Variants in PCCB observed in about 807,000 individuals in gnomAD.
The protein encoded by PCCB is propionyl-CoA carboxylase beta chain, mitochondrial.
PCCB carries 43 observed loss-of-function variants against 60.7 expected under a neutral mutation model. The ratio of observed to expected loss-of-function variants is 0.71; its 90% confidence interval spans 0.55 to 0.91. The LOEUF (loss-of-function observed/expected upper bound fraction) is 0.91. Ranked by LOEUF, PCCB falls within the 40% of genes least tolerant of loss-of-function variation. The pLI is 0.00. For missense variants in PCCB, 766 were observed against 702.8 expected (o/e 1.09, Z -1.02); for synonymous variants, 276 against 255.9 (o/e 1.08, Z -0.75).
rs149770649 is a variant in PCCB at position 136,313,934 on chromosome 3, C to T, written c.967-3007C>T. On this transcript the variant is annotated intron_variant, in intron 9 of 14. Coordinates refer to ENST00000251654, the MANE Select transcript of PCCB (RefSeq NM_000532.5). ...TGTGAATATGGCAAGAGAAAAAAAT[C>T]TAGAATGAACCCTATAGTTGCACTG... Among the ~76,000 whole-genome samples, 59 of 152,188 alleles carry T rather than the reference C, an allele frequency of 3.9e-4. No individual in the cohort carries two copies. In the East Asian group the frequency reaches 0.011, roughly 29 times the overall value.
At chr3:136,322,152 T>G (rs1935132388) in intron 10 of PCCB, among the ~76,000 whole-genome samples, 1 of 152,236 alleles carries the variant, frequency 6.6e-6, no homozygotes, top group East Asian at 1.9e-4. Flanking sequence ...ATACCTAGTT[T>G]ATTGAGAGTT....
chr3:136,268,065 CGT>C (rs111625326), intron 5 of PCCB, among the ~76,000 whole-genome samples: 837 of 78,424 alleles, frequency 0.011, 18 homozygotes, highest in African/African-American at 0.051. Context: ...TGTGTGTGTG[CGT>C]GTGTGTGTGT....
chr3:136,325,646 T>TGTGGTC (rs1286837618), intron 10 of PCCB, among the ~76,000 whole-genome samples: 4 of 151,394 alleles, frequency 2.6e-5, no homozygotes, highest in African/African-American at 9.7e-5. Context: ...TGTGAGCCAC[T>TGTGGTC]GTGCCGGGCC....
At position 136,255,494 on chromosome 3, in the gene PCCB, A is replaced by T. The variant is rs1283653737; in HGVS notation, c.184-362A>T. ...CACTAAGCCTGCTTTAGTTTCCACC[A>T]CCTGCTTCTGCATTCTTTTTATGGC... On this transcript the variant is annotated intron_variant, in intron 1 of 14. Coordinates refer to ENST00000251654, the MANE Select transcript of PCCB (RefSeq NM_000532.5). 6 of 318,010 alleles carry T rather than the reference A, an allele frequency of 1.9e-5. No homozygotes were observed. In the East Asian group the frequency reaches 4.9e-4, roughly 26 times the overall value. The allele number at this position is 318,010 out of a possible 1,614,324, so 19.7% of individuals were successfully genotyped here. A position where few individuals can be genotyped will look rare whatever the true frequency, so the allele number is the denominator to read the frequency against.
chr3:136,297,343 T>C (rs1189349239), intron 7 of PCCB, among the ~76,000 whole-genome samples: 3 of 152,184 alleles, frequency 2.0e-5, no homozygotes, highest in Non-Finnish European at 4.4e-5. Context: ...TCTGGTGGGA[T>C]GAACCTGGGG....
In PCCB at chr3:136,288,942, A is replaced by C. The variant is rs947584079; in HGVS notation, c.655-4814A>C. On this transcript the variant is annotated intron_variant, in intron 6 of 14. Coordinates refer to ENST00000251654, the MANE Select transcript of PCCB (RefSeq NM_000532.5). ...CTTAGCCTCCTGAGTAGCTGGGACT[A>C]TAGGTGTGTGCCACCATGCCTGGCC... 2.6e-5 allele frequency among the ~76,000 whole-genome samples: 4 copies of C among 152,310 alleles called. No homozygotes were observed. In the Middle Eastern group the frequency reaches 0.014, roughly 518 times the overall value.
In PCCB at chr3:136,250,550, C is replaced by T. The variant is rs147954363; in HGVS notation, c.175C>T (p.His59Tyr). The T allele has an allele frequency of 1.0e-4, 164 of 1,611,950 alleles. 2 individuals carry two copies. Among genetic ancestry groups the T allele is most frequent in the Non-Finnish European group, 3.9e-5 (46 of 1,179,540 alleles). ...GGGCCAACGCCGTATTGACGCGCAG[C>T]ACAAGCGAGTGAGTCCTGAGGGGCC... ...GGGQRRIDAQ[H>Y]KRGKLTARER... The change falls in exon 1 of 15, where the codon CAC (histidine) becomes TAC (tyrosine). Residue 59 changes from histidine (H) to tyrosine (Y), a missense_variant. Physicochemically the swap from His to Tyr is moderately conservative, Grantham distance 83 (BLOSUM62 2). Coordinates refer to ENST00000251654, the MANE Select transcript of PCCB (RefSeq NM_000532.5).
At chr3:136,329,340 C>T (rs574440454) in intron 14 of PCCB, among the ~76,000 whole-genome samples, 5 of 152,180 alleles carry the variant, frequency 3.3e-5, no homozygotes, top group African/African-American at 7.2e-5. Flanking sequence ...TCACTCCCCA[C>T]GTGGCCTCTC....
At chr3:136,252,176 C>T (rs1941535078) in intron 1 of PCCB, 4 of 417,300 alleles carry the variant, frequency 9.6e-6, no homozygotes, top group Non-Finnish European at 1.9e-5. Context: ...GCCACTGCAC[C>T]CGGCCCTGCA....
chr3:136,261,940 C>T lies in PCCB; in HGVS notation c.430-12C>T. 1 of 1,494,466 alleles carries T rather than the reference C, an allele frequency of 6.7e-7. No individual in the cohort carries two copies. The allele number at this position is 1,494,466 out of a possible 1,614,324, so 92.6% of individuals were successfully genotyped here. ...ACATTTGTCTCAATAAAAGATTTCT[C>T]TGCTGTCTCAGATCATGGACCAGGC... On this transcript the variant is annotated splice_polypyrimidine_tract_variant and intron_variant, in intron 4 of 14. Transcript: ENST00000251654.
intron 13 of PCCB, 33 bp downstream of exon 13, chr3:136,327,765 C>T (rs1935380046): frequency 6.6e-7 from 1 of 1,512,584 alleles, no homozygotes; most frequent in Middle Eastern, 2.1e-4. Flanking sequence ...TTTCTGGGTC[C>T]AAGGACTCGA....
intron 5 of PCCB, among the ~76,000 whole-genome samples, chr3:136,274,169 T>G (rs150014491): frequency 6.6e-5 from 10 of 152,240 alleles, no homozygotes; most frequent in South Asian, 2.1e-4. Context: ...CTGTTTATCA[T>G]TTTAGTTGTT....
chr3:136,280,595 C>T (rs1054184787), intron 5 of PCCB, among the ~76,000 whole-genome samples: 1 of 152,214 alleles, frequency 6.6e-6, no homozygotes. Flanking sequence ...GTTCACCTGC[C>T]TTGGTCTCCC....
chr3:136,257,044 C>T (rs1042306330), intron 3 of PCCB, among the ~76,000 whole-genome samples: 8 of 152,122 alleles, frequency 5.3e-5, no homozygotes, highest in African/African-American at 1.9e-4. Context: ...TGAATATGTT[C>T]AGAAAATTTT....
chr3:136,315,534 CAAAAG>C (rs967579463), intron 9 of PCCB, among the ~76,000 whole-genome samples: 9 of 151,420 alleles, frequency 5.9e-5, no homozygotes, highest in Non-Finnish European at 7.4e-5. Context: ...CTCAAACAAA[CAAAAG>C]AAAATTGTGA....
chr3:136,266,925 C>T (rs959826668), intron 5 of PCCB, among the ~76,000 whole-genome samples: 4 of 152,116 alleles, frequency 2.6e-5, no homozygotes, highest in Admixed American at 2.0e-4. Context: ...CCCTGTCCTC[C>T]AGGCTGGAGT....
chr3:136,293,695 C>CT (rs1247431726), intron 6 of PCCB, 61 bp from the exon 7 acceptor site: 20 of 1,038,136 alleles, frequency 1.9e-5, no homozygotes, highest in Non-Finnish European at 2.9e-5. Flanking sequence ...TGAATCAACT[C>CT]TAAGGCTGTG....
At chr3:136,285,168 C>T (rs1367849709) in intron 6 of PCCB, among the ~76,000 whole-genome samples, 2 of 151,416 alleles carry the variant, frequency 1.3e-5, no homozygotes, top group African/African-American at 4.9e-5. Flanking sequence ...ACTTTGCTTA[C>T]TAAGTCTATA....
intron 10 of PCCB, among the ~76,000 whole-genome samples, chr3:136,326,601 T>C (rs1448867517): frequency 1.3e-5 from 2 of 152,150 alleles, no homozygotes; most frequent in East Asian, 3.9e-4. Context: ...GTTCTGGGCC[T>C]CTTTGGCCAG....
Sources: gnomAD v4.1 joint callset for allele counts (sites outside exome capture counted in the v4.1 genomes callset) on GRCh38, gnomAD v4.1.1 for gene constraint, MANE v1.5 for transcripts, NCBI Gene and HGNC (gene_info 2026-07-23, HGNC 2026-07-21) for gene names.